SNX29: variants seen among roughly 807,000 people sequenced by gnomAD.
The protein encoded by SNX29 is sorting nexin 29, also known as sorting nexin-29.
In SNX29, 78 loss-of-function variants were observed where a neutral mutation model predicts 102.1. That is an observed-to-expected ratio of 0.76 (90% confidence interval 0.64 to 0.92). The LOEUF (loss-of-function observed/expected upper bound fraction) is 0.92. Ranked by LOEUF, SNX29 falls within the 40% of genes least tolerant of loss-of-function variation. The probability of loss-of-function intolerance (pLI) is 0.00; values close to 1 mark genes in which losing one functional copy is unlikely to be tolerated. For synonymous variants in SNX29, 580 were observed against 414.5 expected, an observed-to-expected ratio of 1.40 and a Z score of -4.85; for missense variants, 1,280 against 1,061.7, an observed-to-expected ratio of 1.21 and a Z score of -2.86.
At chr16:12,247,847 A>G (rs896993570) in intron 14 of SNX29, among the ~76,000 whole-genome samples, 2 of 152,138 alleles carry the variant, frequency 1.3e-5, no homozygotes, top group Non-Finnish European at 2.9e-5. Flanking sequence ...TCTTAGTCCA[A>G]CCCTGCAGTT....
intron 16 of SNX29, among the ~76,000 whole-genome samples, chr16:12,378,634 T>C (rs1264815821): frequency 6.6e-6 from 1 of 152,106 alleles, no homozygotes; most frequent in African/African-American, 2.4e-5. Context: ...ACACCTCTCA[T>C]GTGGCCCCAC....
chr16:12,527,527 C>T lies in SNX29; in HGVS notation c.2318+2686C>T, dbSNP rs946293847. 4.5e-5 allele frequency: 18 copies of T among 398,410 alleles called. No individual in the cohort carries two copies. In the Admixed American group the frequency reaches 5.8e-4, roughly 13 times the overall value. 24.7% of individuals were successfully genotyped at this position (398,410 alleles called of 1,614,324 possible). ...CCGGATTGTTCACTAAAGAGAGGGC[C>T]CCCCATTTTCCTGTGGATGTCAGCT... is the stretch of plus-strand genomic sequence containing the variant. On this transcript the variant is annotated intron_variant, in intron 20 of 20. Transcript: ENST00000566228.
intron 15 of SNX29, among the ~76,000 whole-genome samples, chr16:12,315,212 G>A (rs1043542968): frequency 1.3e-5 from 2 of 152,148 alleles, no homozygotes; most frequent in African/African-American, 4.8e-5. Flanking sequence ...GCTTCAGTGG[G>A]GCCTCCCAGT....
chr16:12,083,305 C>CAAAAAA (rs373592693), intron 11 of SNX29, among the ~76,000 whole-genome samples: 244 of 130,912 alleles, frequency 1.9e-3, no homozygotes, highest in African/African-American at 6.5e-3. Flanking sequence ...GACTATGTCT[C>CAAAAAA]AAAAAAAAAA....
rs545116945 is a variant in SNX29 at position 12,294,026 on chromosome 16, C to G, written c.1782+15990C>G. On this transcript the variant is annotated intron_variant, in intron 15 of 20. Coordinates refer to ENST00000566228, the MANE Select transcript of SNX29 (RefSeq NM_032167.5). ...TCATGTAGGTGCTCAGATTCCAGACCTGAAGCTCACAGCCACTCTCCGGGG... is the reference window on the plus strand; with the variant it reads ...TCATGTAGGTGCTCAGATTCCAGACGTGAAGCTCACAGCCACTCTCCGGGG... 7.2e-5 allele frequency among the ~76,000 whole-genome samples: 11 copies of G among 152,322 alleles called. No homozygotes were observed. The South Asian group carries it at 2.1e-3, about 29-fold the overall frequency.
At chr16:12,492,223 T>C (rs2088586875) in intron 19 of SNX29, among the ~76,000 whole-genome samples, 2 of 152,252 alleles carry the variant, frequency 1.3e-5, no homozygotes, top group South Asian at 4.1e-4. Flanking sequence ...ATCGCCATTC[T>C]AAATGGTGTG....
chr16:12,228,404 G>T (rs74961549), intron 14 of SNX29, among the ~76,000 whole-genome samples: 5,917 of 152,324 alleles, frequency 0.039, 415 homozygotes, highest in African/African-American at 0.14. Context: ...CTCGAGGTCA[G>T]GTTCAGCTGC....
At chr16:12,091,090 T>C (rs922521842) in intron 11 of SNX29, among the ~76,000 whole-genome samples, 2 of 151,484 alleles carry the variant, frequency 1.3e-5, no homozygotes, top group Non-Finnish European at 2.9e-5. Flanking sequence ...ACAAATACTT[T>C]CTTATTCATT....
At chr16:12,333,013 G>C (rs2081341146) in intron 15 of SNX29, among the ~76,000 whole-genome samples, 1 of 152,104 alleles carries the variant, frequency 6.6e-6, no homozygotes, top group African/African-American at 2.4e-5. Flanking sequence ...TGGAAGAAGG[G>C]AGGAAAGAAT....
intron 20 of SNX29, among the ~76,000 whole-genome samples, chr16:12,566,335 C>A (rs567275927): frequency 6.6e-6 from 1 of 152,168 alleles, no homozygotes; most frequent in Non-Finnish European, 1.5e-5. Context: ...CCCTTCATAA[C>A]AGTCACCCCA....
intron 14 of SNX29, among the ~76,000 whole-genome samples, chr16:12,256,177 A>C (rs1046490697): frequency 3.9e-5 from 6 of 152,194 alleles, no homozygotes; most frequent in African/African-American, 1.4e-4. Flanking sequence ...GTCTTCCTTG[A>C]GAAATGTCTA....
intron 4 of SNX29, among the ~76,000 whole-genome samples, chr16:12,030,037 CCTGT>C (rs1250850099): frequency 1.3e-5 from 2 of 152,158 alleles, no homozygotes; most frequent in Non-Finnish European, 1.5e-5. Flanking sequence ...TCTAATCTTC[CCTGT>C]CTGTTCGGCA....
At chr16:12,126,844 G>T (rs2054233435) in intron 12 of SNX29, 148 bp downstream of exon 12, 2 of 784,772 alleles carry the variant, frequency 2.5e-6, no homozygotes, top group Non-Finnish European at 4.2e-6. Context: ...TGCCACTGTG[G>T]TATCTCTCTT....
intron 16 of SNX29, 90 bp downstream of exon 16, chr16:12,356,369 A>G (rs1567472842): frequency 1.6e-6 from 2 of 1,213,030 alleles, no homozygotes; most frequent in South Asian, 1.3e-5. Context: ...GCAAGCAACC[A>G]TGCATCCACT....
chr16:12,204,531 C>T (rs891646307), intron 14 of SNX29, among the ~76,000 whole-genome samples: 4 of 152,148 alleles, frequency 2.6e-5, no homozygotes, highest in Non-Finnish European at 4.4e-5. Flanking sequence ...TTTAAAGCCA[C>T]GAGCTCTCCT....
rs765847829 is a variant in SNX29, at chr16:12,477,783, T to G, written c.2102T>G (p.Leu701Trp). Residue 701 changes from leucine to tryptophan, a missense_variant, in exon 19 of 21, where the codon TTG becomes TGG. Coordinates refer to ENST00000566228, the MANE Select transcript of SNX29 (RefSeq NM_032167.5). Reference sequence around the variant, plus strand: ...CGCCGGTATACAGAGTTCAGGAGTTTGCACCACAAGTTACAAAACAAGTAC... The same window carrying G: ...CGCCGGTATACAGAGTTCAGGAGTTGGCACCACAAGTTACAAAACAAGTAC... ...IYRRYTEFRSLHHKLQNKYPQ... is the reference protein window; with the variant it reads ...IYRRYTEFRSWHHKLQNKYPQ... 1.2e-6 allele frequency: 2 copies of G among 1,613,340 alleles called. No homozygotes were observed. Among genetic ancestry groups the G allele is most frequent in the East Asian group, 2.2e-5 (1 of 44,890 alleles).
intron 20 of SNX29, among the ~76,000 whole-genome samples, chr16:12,528,149 G>A (rs1300223432): frequency 1.3e-5 from 2 of 151,802 alleles, no homozygotes; most frequent in Non-Finnish European, 2.9e-5. Flanking sequence ...CTTAATTCAA[G>A]TACTTGCCAA....
intron 15 of SNX29, among the ~76,000 whole-genome samples, chr16:12,292,088 G>C (rs1212144351): frequency 2.0e-5 from 3 of 152,322 alleles, no homozygotes; most frequent in Admixed American, 1.3e-4. Context: ...TATTAGACAA[G>C]ATAGTGCAGA....
intron 20 of SNX29, among the ~76,000 whole-genome samples, chr16:12,538,967 G>C (rs533076325): frequency 6.6e-6 from 1 of 152,264 alleles, no homozygotes; most frequent in East Asian, 1.9e-4. Context: ...TAAGGCAAGT[G>C]ATATAAATAG....
Sources: gnomAD v4.1 joint callset for allele counts (sites outside exome capture counted in the v4.1 genomes callset) on GRCh38, gnomAD v4.1.1 for gene constraint, MANE v1.5 for transcripts, NCBI Gene and HGNC (gene_info 2026-07-23, HGNC 2026-07-21) for gene names.